The following SLC26A2 variants were observed in gnomAD, a reference collection of about 807,000 sequenced individuals.
SLC26A2 encodes the protein solute carrier family 26 member 2.
Under a neutral mutation model 41.1 loss-of-function variants are expected in SLC26A2, and 36 were observed. The observed-to-expected ratio is 0.88, with a 90% CI of 0.67 to 1.16. The LOEUF (loss-of-function observed/expected upper bound fraction) is 1.16, where lower values mean the gene tolerates loss of function less well. Ranked by LOEUF, SLC26A2 falls within the 50% of genes most tolerant of loss-of-function variation. The pLI is 0.00. For missense variants in SLC26A2, 796 were observed against 869.6 expected, an observed-to-expected ratio of 0.92 and a Z score of 1.07; for synonymous variants, 291 against 311.6, an observed-to-expected ratio of 0.93 and a Z score of 0.70.
rs1356569265 is a variant in SLC26A2, at chr5:149,982,084, G to A, written c.*271G>A. 3 of 383,430 alleles carry A rather than the reference G, an allele frequency of 7.8e-6. No homozygotes were observed. 23.8% of individuals were successfully genotyped at this position (383,430 alleles called of 1,614,324 possible). On this transcript the variant is annotated 3_prime_UTR_variant, in exon 3 of 3. Transcript: ENST00000286298. ...CAATAAGTATGTATTGAACTGTACT[G>A]TAAAGTAGCTCCAAAACTTAATTAC... is the stretch of plus-strand genomic sequence containing the variant.
chr5:149,968,962 G>A (rs1754855241), intron 1 of SLC26A2, among the ~76,000 whole-genome samples: 1 of 146,802 alleles, frequency 6.8e-6, no homozygotes, highest in African/African-American at 2.5e-5. Context: ...GGCTGGTCTC[G>A]AACTCCTGAC....
chr5:149,965,044 A>G (rs975784216), intron 1 of SLC26A2, among the ~76,000 whole-genome samples: 6 of 152,230 alleles, frequency 3.9e-5, no homozygotes, highest in South Asian at 2.1e-4. Context: ...AAATTGCTAA[A>G]TAGGTGAATT....
At chr5:149,963,340 G>C (rs554930688) in intron 1 of SLC26A2, among the ~76,000 whole-genome samples, 1 of 151,010 alleles carries the variant, frequency 6.6e-6, no homozygotes, top group East Asian at 1.9e-4. Flanking sequence ...GTGCAGTGGC[G>C]TGATCTTGGC....
chr5:149,981,226 C>A lies in SLC26A2; in HGVS notation c.1633C>A (p.Arg545Ser). Reference protein sequence around the residue: ...VCFSIFCVILRTQKPKSSLLG... With the variant: ...VCFSIFCVILSTQKPKSSLLG... The stretch of plus-strand genomic sequence containing the variant: ...TTTTTCTATATTTTGTGTCATCCTC[C>A]GCACTCAGAAGCCAAAGAGTTCACT... The change falls in exon 3 of 3, where the codon CGC (arginine) becomes AGC (serine). Residue 545 changes from arginine (R) to serine (S), a missense_variant. Physicochemically the swap from Arg to Ser is moderately radical, Grantham distance 110. Transcript: ENST00000286298. 6.2e-7 allele frequency: 1 copy of A among 1,614,078 alleles called. No individual in the cohort carries two copies.
chr5:149,980,886 C>T lies in SLC26A2; in HGVS notation c.1293C>T (p.Phe431=). The change falls in exon 3 of 3, where the codon TTC becomes TTT. Residue 431 remains phenylalanine, a synonymous_variant. Transcript: ENST00000286298. ...TTTGTAATATCATCCCTTCCTTCTT[C>T]CACTGTTTTACTACTAGTGCAGCTC... is the stretch of plus-strand genomic sequence containing the variant. ...IGFCNIIPSF[F]HCFTTSAALA... 1 of 1,614,118 alleles carries T rather than the reference C, an allele frequency of 6.2e-7. No individual in the cohort carries two copies. Among genetic ancestry groups the T allele is most frequent in the Non-Finnish European group, 8.5e-7 (1 of 1,179,992 alleles).
Position 149,981,051 on chromosome 5 carries a change from C to G in SLC26A2, c.1458C>G (p.Ile486Met). Residue 486 changes from isoleucine to methionine, a missense_variant, in exon 3 of 3, where the codon ATC becomes ATG. Transcript: ENST00000286298. ...YSLQKSVLGV[I>M]TIVNLRGALR... The stretch of plus-strand genomic sequence containing the variant: ...TTCAAAAAAGTGTCCTTGGTGTGAT[C>G]ACAATTGTAAATCTACGGGGAGCCC... The G allele has an allele frequency of 6.2e-7, 1 of 1,614,152 alleles. No individual in the cohort carries two copies. The highest frequency in any genetic ancestry group is 8.5e-7 in the Non-Finnish European group (1 of 1,180,018).
chr5:149,965,245 G>A (rs994288845), intron 1 of SLC26A2, among the ~76,000 whole-genome samples: 12 of 152,180 alleles, frequency 7.9e-5, no homozygotes, highest in African/African-American at 2.9e-4. Context: ...CACTTTGGGA[G>A]GCCGAGGCAG....
Position 149,980,432 on chromosome 5 carries a change from C to T in SLC26A2, c.839C>T (p.Thr280Ile), listed in dbSNP as rs1429315522. 3 of 1,614,104 alleles carry T rather than the reference C, an allele frequency of 1.9e-6. No individual in the cohort carries two copies. The highest frequency in any genetic ancestry group is 2.5e-6 in the Non-Finnish European group (3 of 1,179,998). Residue 280 changes from threonine (T) to isoleucine (I), a missense_variant, in exon 3 of 3, where the codon ACT becomes ATT. Transcript: ENST00000286298. Reference protein sequence around the residue: ...KYLLGLNLPRTNGVGSLITTW... With the variant: ...KYLLGLNLPRINGVGSLITTW... ...CTTCTTGGGCTCAACCTTCCTCGGA[C>T]TAATGGTGTGGGCTCACTCATCACT...
At chr5:149,961,726 A>G (rs140965396) in intron 1 of SLC26A2, among the ~76,000 whole-genome samples, 17 of 152,148 alleles carry the variant, frequency 1.1e-4, no homozygotes, top group Non-Finnish European at 2.1e-4. Context: ...ACAGTTCTTT[A>G]TGTGAAATCT....
rs1755210364 is a variant in SLC26A2, at chr5:149,986,991, T to A, written c.*5178T>A. On this transcript the variant is annotated 3_prime_UTR_variant, in exon 3 of 3. Coordinates refer to ENST00000286298, the MANE Select transcript of SLC26A2 (RefSeq NM_000112.4). Reference sequence around the variant, plus strand: ...ACCAATCTATGTAATAGGCTACCTTTTTTTGTCTTCTTTGGAACTTTGTAC... The same window carrying A: ...ACCAATCTATGTAATAGGCTACCTTATTTTGTCTTCTTTGGAACTTTGTAC... 6.6e-6 allele frequency: 1 copy of A among 152,236 alleles called. No homozygotes were observed. The highest frequency in any genetic ancestry group is 2.4e-5 in the African/African-American group (1 of 41,468). The allele number at this position is 152,236 out of a possible 1,614,324, so 9.4% of individuals were successfully genotyped here. A position where few individuals can be genotyped will look rare whatever the true frequency, so the allele number is the denominator to read the frequency against.
At chr5:149,975,327 T>C (rs1754975330) in intron 1 of SLC26A2, among the ~76,000 whole-genome samples, 2 of 152,240 alleles carry the variant, frequency 1.3e-5, no homozygotes, top group South Asian at 2.1e-4. Flanking sequence ...GATTTTTTCT[T>C]ACAGTTTCCA....
Position 149,981,393 on chromosome 5 carries a change from C to T in SLC26A2, c.1800C>T (p.Tyr600=). 1 of 1,614,062 alleles carries T rather than the reference C, an allele frequency of 6.2e-7. No individual in the cohort carries two copies. Among genetic ancestry groups the T allele is most frequent in the Non-Finnish European group, 8.5e-7 (1 of 1,179,978 alleles). Residue 600 remains tyrosine (Y), a synonymous_variant, in exon 3 of 3, where the codon TAC becomes TAT. Transcript: ENST00000286298. The part of the protein sequence containing the change: ...INKECFKSAL[Y]KQTVNPILIK... ...AAGAATGCTTTAAATCTGCTTTATACAAACAAACTGTCAACCCAATCTTAA... is the reference window on the plus strand; with the variant it reads ...AAGAATGCTTTAAATCTGCTTTATATAAACAAACTGTCAACCCAATCTTAA...
chr5:149,981,622 A>C lies in SLC26A2; in HGVS notation c.2029A>C (p.Ile677Leu). 6.2e-7 allele frequency: 1 copy of C among 1,614,154 alleles called. No individual in the cohort carries two copies. Among genetic ancestry groups the C allele is most frequent in the Non-Finnish European group, 8.5e-7 (1 of 1,179,994 alleles). Residue 677 changes from isoleucine to leucine, a missense_variant, in exon 3 of 3, where the codon ATT (isoleucine) becomes CTT (leucine). Transcript: ENST00000286298. ...LKEVRRDYEA[I>L]GIQVLLAQCN... ...AGAAGTTCGCAGAGATTATGAAGCC[A>C]TTGGAATCCAGGTTCTGCTGGCTCA... is the stretch of plus-strand genomic sequence containing the variant.
rs1581230719 is a variant in SLC26A2, at chr5:149,977,942, A to G, written c.290A>G (p.Gln97Arg). The G allele has an allele frequency of 6.2e-7, 1 of 1,614,244 alleles. No individual in the cohort carries two copies. The highest frequency in any genetic ancestry group is 2.2e-5 in the East Asian group (1 of 44,896). ...ATTTTAGGTTTCCTTCCTGTTTTGC[A>G]GTGGCTCCCAAAATACGACCTAAAG... ...NMILGFLPVL[Q>R]WLPKYDLKKN... Residue 97 changes from glutamine (Q) to arginine (R), a missense_variant, in exon 2 of 3, where the codon CAG becomes CGG. Physicochemically the swap from Gln to Arg is conservative, Grantham distance 43. Coordinates refer to ENST00000286298, the MANE Select transcript of SLC26A2 (RefSeq NM_000112.4).
chr5:149,975,224 ATTCT>A (rs1253220197), intron 1 of SLC26A2, among the ~76,000 whole-genome samples: 1 of 152,000 alleles, frequency 6.6e-6, no homozygotes, highest in Non-Finnish European at 1.5e-5. Flanking sequence ...GAGTTCATCG[ATTCT>A]TTCTTTGGCT....
chr5:149,983,816 A>G lies in SLC26A2; in HGVS notation c.*2003A>G, dbSNP rs886060237. ...TGGTCTCAAACTCCAGGCTCAAGCA[A>G]TCCTTCAGCCTCAGCCTCCCAGAGT... On this transcript the variant is annotated 3_prime_UTR_variant, in exon 3 of 3. Coordinates refer to ENST00000286298, the MANE Select transcript of SLC26A2 (RefSeq NM_000112.4). The G allele has an allele frequency of 8.5e-5, 13 of 152,406 alleles. No individual in the cohort carries two copies. The highest frequency in any genetic ancestry group is 3.9e-4 in the East Asian group (2 of 5,180). The allele number at this position is 152,406 out of a possible 1,614,324, so 9.4% of individuals were successfully genotyped here. A position where few individuals can be genotyped will look rare whatever the true frequency, so the allele number is the denominator to read the frequency against.
At chr5:149,964,354 A>G (rs1754767033) in intron 1 of SLC26A2, among the ~76,000 whole-genome samples, 1 of 152,132 alleles carries the variant, frequency 6.6e-6, no homozygotes. Context: ...ATAGCTGGGC[A>G]TGGTGGCGTG....
chr5:149,963,269 C>T (rs1383011528), intron 1 of SLC26A2, among the ~76,000 whole-genome samples: 6 of 151,508 alleles, frequency 4.0e-5, no homozygotes, highest in African/African-American at 7.3e-5. Flanking sequence ...GCCACCACGC[C>T]TGGCTAATTT....
chr5:149,963,738 CTTTTTTTTT>C (rs761075019), intron 1 of SLC26A2, among the ~76,000 whole-genome samples: 7 of 78,266 alleles, frequency 8.9e-5, no homozygotes, highest in South Asian at 9.6e-4. Context: ...ATTTGTTTAA[CTTTTTTTTT>C]TTTTTTTTTT....
Sources: allele counts gnomAD v4.1 joint callset (sites outside exome capture counted in the v4.1 genomes callset), GRCh38; gene constraint gnomAD v4.1.1; transcripts MANE v1.5; gene names NCBI Gene and HGNC (gene_info 2026-07-23, HGNC 2026-07-21).